Variants in ZFPM1 observed in about 807,000 individuals in gnomAD.
The protein encoded by ZFPM1 is zinc finger protein, FOG family member 1, also known as zinc finger protein ZFPM1.
Under a neutral mutation model 46.3 loss-of-function variants are expected in ZFPM1, and 28 were observed. The ratio of observed to expected loss-of-function variants is 0.60; its 90% CI spans 0.45 to 0.83. The LOEUF is 0.83. Ranked by LOEUF, ZFPM1 falls within the 40% of genes least tolerant of loss-of-function variation. ZFPM1 has a pLI of 0.00. For missense variants in ZFPM1, 1,878 were observed against 1,432.4 expected (o/e 1.31, Z -5.02); for synonymous variants, 957 against 675.9 (o/e 1.42, Z -6.45).
Position 88,503,733 on chromosome 16 carries a change from C to T in ZFPM1, c.269-10654C>T, listed in dbSNP as rs750074288. 5.1e-4 allele frequency among the ~76,000 whole-genome samples: 78 copies of T among 152,192 alleles called. 1 individual carries two copies. Among genetic ancestry groups the T allele is most frequent in the Non-Finnish European group, 1.5e-4 (10 of 68,030 alleles). ...GACACATTCACAGTTCACGGAAGCACCTTCTGCCTCCGGGACTCACATGGG... is the reference window on the plus strand; with the variant it reads ...GACACATTCACAGTTCACGGAAGCATCTTCTGCCTCCGGGACTCACATGGG... On this transcript the variant is annotated intron_variant, in intron 3 of 9. Coordinates refer to ENST00000319555, the MANE Select transcript of ZFPM1 (RefSeq NM_153813.3).
At chr16:88,453,937 G>T (rs540725109) in intron 1 of ZFPM1, among the ~76,000 whole-genome samples, 1 of 152,122 alleles carries the variant, frequency 6.6e-6, no homozygotes, top group African/African-American at 2.4e-5. Flanking sequence ...GTTTGGGGGC[G>T]CGGCCCGGGC....
chr16:88,463,252 T>A (rs1011001495), intron 1 of ZFPM1, among the ~76,000 whole-genome samples: 1 of 152,210 alleles, frequency 6.6e-6, no homozygotes, highest in Non-Finnish European at 1.5e-5. Flanking sequence ...TCACGGTTGA[T>A]GGCGCATCTA....
intron 3 of ZFPM1, among the ~76,000 whole-genome samples, chr16:88,500,239 G>A (rs1208078203): frequency 6.7e-6 from 1 of 149,576 alleles, no homozygotes; most frequent in African/African-American, 2.4e-5. Context: ...CTGGAGCCCC[G>A]GCTACTGCCC....
At chr16:88,456,233 A>T (rs1907553460) in intron 1 of ZFPM1, among the ~76,000 whole-genome samples, 1 of 151,828 alleles carries the variant, frequency 6.6e-6, no homozygotes, top group Non-Finnish European at 1.5e-5. Flanking sequence ...CAGGAGGGGG[A>T]AGGGGGAGGA....
intron 3 of ZFPM1, among the ~76,000 whole-genome samples, chr16:88,503,860 C>G (rs1472961415): frequency 6.6e-6 from 1 of 152,130 alleles, no homozygotes; most frequent in Non-Finnish European, 1.5e-5. Flanking sequence ...CTGGTTAGCA[C>G]CTCCTCTGTG....
At position 88,480,484 on chromosome 16, in the gene ZFPM1, G is replaced by C. The variant is rs1185748965; in HGVS notation, c.41-5455G>C. ...GAGGAGCGGGGCCGTGTGGCTGCCA[G>C]TGGTCACCCGCCCCACCAGCTGCTC... On this transcript the variant is annotated intron_variant, in intron 1 of 9. Coordinates refer to ENST00000319555, the MANE Select transcript of ZFPM1 (RefSeq NM_153813.3). This position sits in a 1 kb window ranked among gnomAD's most constrained non-coding sequence, Gnocchi z 4.9. 6.6e-6 allele frequency among the ~76,000 whole-genome samples: 1 copy of C among 152,234 alleles called. No homozygotes were observed. The highest frequency in any genetic ancestry group is 1.9e-4 in the East Asian group (1 of 5,196).
At chr16:88,505,206 G>A (rs946114474) in intron 3 of ZFPM1, among the ~76,000 whole-genome samples, 2 of 152,324 alleles carry the variant, frequency 1.3e-5, no homozygotes, top group Admixed American at 6.5e-5. Flanking sequence ...TACAGTGGAC[G>A]CCAGGCCCAG....
chr16:88,505,708 G>A (rs1226873068), intron 3 of ZFPM1, among the ~76,000 whole-genome samples: 3 of 152,160 alleles, frequency 2.0e-5, no homozygotes, highest in East Asian at 1.9e-4. Flanking sequence ...AGCCCATGCC[G>A]CCTGTCTGCT....
chr16:88,485,876 G>A, intron 1 of ZFPM1, 63 bp from the exon 2 acceptor site: 1 of 1,530,496 alleles, frequency 6.5e-7, no homozygotes, highest in East Asian at 2.3e-5. Context: ...GCCAGGAGGG[G>A]TCAGGAGGCA....
rs761246860 is a variant in ZFPM1, at chr16:88,534,316, G to C, written c.2358G>C (p.Ser786=). The part of the protein sequence containing the change: ...GSGPGLAPAR[S]PGPAADGPID... ...GCCCCGGCCTCGCCCCTGCGCGCTC[G>C]CCCGGCCCCGCGGCCGACGGCCCCA... Residue 786 remains serine, a synonymous_variant, in exon 10 of 10, where the codon TCG becomes TCC. Coordinates refer to ENST00000319555, the MANE Select transcript of ZFPM1 (RefSeq NM_153813.3). 9.1e-6 allele frequency: 12 copies of C among 1,322,226 alleles called. No individual in the cohort carries two copies. In the African/African-American group the frequency reaches 1.3e-4, roughly 14 times the overall value. The allele number at this position is 1,322,226 out of a possible 1,614,324, so 81.9% of individuals were successfully genotyped here.
chr16:88,469,751 C>G lies in ZFPM1; in HGVS notation c.40+16073C>G, dbSNP rs908310434. Reference sequence around the variant, plus strand: ...AAAATGTGTAAGTGGAAAATAGTGGCGGGGCGAGGAGAGAAAGAGTCTGGG... The same window carrying G: ...AAAATGTGTAAGTGGAAAATAGTGGGGGGGCGAGGAGAGAAAGAGTCTGGG... On this transcript the variant is annotated intron_variant, in intron 1 of 9. Transcript: ENST00000319555. This position sits in a 1 kb window ranked among gnomAD's most constrained non-coding sequence, Gnocchi z 4.3. Among the ~76,000 whole-genome samples the G allele has an allele frequency of 6.6e-6, 1 of 152,058 alleles. No individual in the cohort carries two copies. The highest frequency in any genetic ancestry group is 1.5e-5 in the Non-Finnish European group (1 of 67,996).
chr16:88,528,319 G>T (rs948668922), intron 6 of ZFPM1, 81 bp downstream of exon 6: 13 of 1,419,702 alleles, frequency 9.2e-6, no homozygotes, highest in South Asian at 1.4e-5. Flanking sequence ...GGGAGCTGAG[G>T]GTGGGAAGCT....
intron 4 of ZFPM1, among the ~76,000 whole-genome samples, chr16:88,519,153 A>ATGG (rs1911608385): frequency 1.2e-5 from 1 of 80,478 alleles, no homozygotes; most frequent in South Asian, 4.9e-4. Flanking sequence ...TGGATGGATG[A>ATGG]TGGGTGGATG....
intron 4 of ZFPM1, among the ~76,000 whole-genome samples, chr16:88,524,803 G>A (rs538008178): frequency 3.9e-5 from 6 of 152,276 alleles, no homozygotes; most frequent in East Asian, 1.9e-4. Flanking sequence ...GGGCTCGGCC[G>A]CCCCTCTGTC....
At chr16:88,453,251 G>C (rs1403502619), upstream of ZFPM1, 2 of 146,926 alleles carry the variant, frequency 1.4e-5, no homozygotes, top group African/African-American at 4.9e-5. Flanking sequence ...GGCCGACGAC[G>C]CTCAGGCCCG....
At chr16:88,517,242 GTGGA>G (rs1555527342) in intron 4 of ZFPM1, among the ~76,000 whole-genome samples, 37 of 56,940 alleles carry the variant, frequency 6.5e-4, no homozygotes, top group Non-Finnish European at 9.0e-4. Context: ...GGGTGGGTGG[GTGGA>G]TGGATGGATG....
intron 3 of ZFPM1, among the ~76,000 whole-genome samples, chr16:88,508,824 G>A (rs1285067913): frequency 6.6e-6 from 1 of 152,206 alleles, no homozygotes; most frequent in Non-Finnish European, 1.5e-5. Flanking sequence ...AGGAGGGTCT[G>A]ACTTTGGAGC....
chr16:88,533,888 C>T lies in ZFPM1; in HGVS notation c.1930C>T (p.Arg644Cys), dbSNP rs1417075771. ...APRSSPGPGA[R>C]EEGAGGAATP... ...GCGCTCGTCCCCGGGCCCCGGAGCG[C>T]GCGAGGAGGGGGCTGGGGGCGCGGC... Residue 644 changes from arginine to cysteine, a missense_variant, in exon 10 of 10, where the codon CGC becomes TGC. By Grantham distance (180) the Arg-to-Cys change is radical. Coordinates refer to ENST00000319555, the MANE Select transcript of ZFPM1 (RefSeq NM_153813.3). The T allele has an allele frequency of 4.6e-5, 47 of 1,024,036 alleles. No homozygotes were observed. The African/African-American group carries it at 7.3e-4, about 16-fold the overall frequency. 63.4% of individuals were successfully genotyped at this position (1,024,036 alleles called of 1,614,324 possible).
rs142991891 is a variant in ZFPM1, at chr16:88,516,017, T to C, written c.402+1497T>C. 9.1e-4 allele frequency: 362 copies of C among 397,652 alleles called. 1 individual carries two copies. Among genetic ancestry groups the C allele is most frequent in the African/African-American group, 6.6e-3 (319 of 48,678 alleles). The allele number at this position is 397,652 out of a possible 1,614,324, so 24.6% of individuals were successfully genotyped here. On this transcript the variant is annotated intron_variant, in intron 4 of 9. Coordinates refer to ENST00000319555, the MANE Select transcript of ZFPM1 (RefSeq NM_153813.3). ...AGGGCAAAGACCGTAGGGGCTGAGA[T>C]TGGAGGGCTCTGTGAGTTCCAGACA...
Sources: allele counts gnomAD v4.1 joint callset (sites outside exome capture counted in the v4.1 genomes callset), GRCh38; gene constraint gnomAD v4.1.1; non-coding constraint Gnocchi (gnomAD v3.1); transcripts MANE v1.5; gene names NCBI Gene and HGNC (gene_info 2026-07-23, HGNC 2026-07-21).